Variants in GTF2F2 observed in about 807,000 individuals in gnomAD.
The protein encoded by GTF2F2 is ATP-dependent helicase GTF2F2.
A neutral mutation model predicts 42.2 loss-of-function variants in GTF2F2; 23 were observed. That is an observed-to-expected ratio of 0.55 (90% CI 0.39 to 0.77). The LOEUF (loss-of-function observed/expected upper bound fraction) is 0.77, where lower values mean the gene tolerates loss of function less well. Among genes scored for constraint, GTF2F2 ranks in the 30% least tolerant of loss-of-function variants. The pLI is 0.00. For missense variants in GTF2F2, 261 were observed against 287.2 expected (o/e 0.91, Z 0.66); for synonymous variants, 105 against 100.8 (o/e 1.04, Z -0.25).
At chr13:45,157,612 AACAG>A (rs1870826234) in intron 4 of GTF2F2, among the ~76,000 whole-genome samples, 1 of 152,164 alleles carries the variant, frequency 6.6e-6, no homozygotes, top group Non-Finnish European at 1.5e-5. Context: ...TAGTTGTGTT[AACAG>A]ACAGTCCACT....
intron 7 of GTF2F2, among the ~76,000 whole-genome samples, chr13:45,275,633 C>T (rs1307096928): frequency 6.6e-6 from 1 of 152,074 alleles, no homozygotes; most frequent in Non-Finnish European, 1.5e-5. Context: ...GACATGAACT[C>T]ATCCTTTTTT....
chr13:45,185,910 T>TA (rs1872398042), intron 4 of GTF2F2, among the ~76,000 whole-genome samples: 1 of 152,186 alleles, frequency 6.6e-6, no homozygotes, highest in African/African-American at 2.4e-5. Flanking sequence ...TAGAAAAAAA[T>TA]ATGTAAAAAT....
At chr13:45,208,448 T>C (rs1290977764) in intron 5 of GTF2F2, among the ~76,000 whole-genome samples, 2 of 152,234 alleles carry the variant, frequency 1.3e-5, no homozygotes, top group East Asian at 1.9e-4. Context: ...ATTATACTTT[T>C]TTTGTTCATT....
chr13:45,276,033 G>A (rs1566159479), intron 7 of GTF2F2, among the ~76,000 whole-genome samples: 1 of 152,104 alleles, frequency 6.6e-6, no homozygotes, highest in East Asian at 1.9e-4. Flanking sequence ...ATAATATAAT[G>A]TAAATGCTAT....
chr13:45,180,757 A>G (rs1000820383), intron 4 of GTF2F2, among the ~76,000 whole-genome samples: 1 of 152,170 alleles, frequency 6.6e-6, no homozygotes, highest in African/African-American at 2.4e-5. Flanking sequence ...TGTTTTCTTT[A>G]GAAGGGTGTA....
intron 2 of GTF2F2, among the ~76,000 whole-genome samples, chr13:45,147,311 T>C (rs963857513): frequency 6.6e-6 from 1 of 152,236 alleles, no homozygotes; most frequent in Non-Finnish European, 1.5e-5. Flanking sequence ...GGTGTTTGCC[T>C]TAGCCTCAGT....
chr13:45,143,030 G>T (rs992973198), intron 2 of GTF2F2, among the ~76,000 whole-genome samples: 2 of 152,166 alleles, frequency 1.3e-5, no homozygotes, highest in African/African-American at 4.8e-5. Flanking sequence ...TCTTAGTGCT[G>T]CACTTAAAGA....
chr13:45,271,153 G>T (rs1433795582), intron 7 of GTF2F2, among the ~76,000 whole-genome samples: 1 of 151,998 alleles, frequency 6.6e-6, no homozygotes, highest in Non-Finnish European at 1.5e-5. Flanking sequence ...TTAGCCAGGC[G>T]TGGTGGCCAG....
At chr13:45,271,227 G>A (rs1876777489) in intron 7 of GTF2F2, among the ~76,000 whole-genome samples, 1 of 151,686 alleles carries the variant, frequency 6.6e-6, no homozygotes. Flanking sequence ...GGAGGCGGAG[G>A]TTGCAGTGAG....
At chr13:45,133,875 G>A (rs1869485539) in intron 1 of GTF2F2, among the ~76,000 whole-genome samples, 1 of 152,156 alleles carries the variant, frequency 6.6e-6, no homozygotes, top group Admixed American at 6.5e-5. Flanking sequence ...TGGATGTTAA[G>A]TCCGCTGGGT....
At chr13:45,131,765 G>GC (rs1209089964) in intron 1 of GTF2F2, among the ~76,000 whole-genome samples, 1 of 151,938 alleles carries the variant, frequency 6.6e-6, no homozygotes, top group African/African-American at 2.4e-5. Flanking sequence ...ACTTAGCTGG[G>GC]CATGGTGGTG....
In GTF2F2 at chr13:45,120,560, A is replaced by C. The variant is rs1032303380; in HGVS notation, c.-96A>C. ...AAGGAACGCCGGCTCTTCGCCTCTC[A>C]GCGCGGCTTGTCCTTTGTTCCGGAC... On this transcript the variant is annotated 5_prime_UTR_variant, in exon 1 of 8. Coordinates refer to ENST00000340473, the MANE Select transcript of GTF2F2 (RefSeq NM_004128.3). 2.9e-5 allele frequency: 25 copies of C among 849,540 alleles called. No individual in the cohort carries two copies. Among genetic ancestry groups the C allele is most frequent in the Non-Finnish European group, 4.2e-5 (22 of 521,094 alleles). The allele number at this position is 849,540 out of a possible 1,614,324, so 52.6% of individuals were successfully genotyped here. A position where few individuals can be genotyped will look rare whatever the true frequency, so the allele number is the denominator to read the frequency against.
At chr13:45,202,278 C>T (rs1873227181) in intron 4 of GTF2F2, among the ~76,000 whole-genome samples, 1 of 151,862 alleles carries the variant, frequency 6.6e-6, no homozygotes, top group South Asian at 2.1e-4. Context: ...TCCCAGCTAC[C>T]CAGGAGGCAG....
intron 7 of GTF2F2, among the ~76,000 whole-genome samples, chr13:45,280,986 C>T (rs1357984898): frequency 6.6e-6 from 1 of 152,264 alleles, no homozygotes; most frequent in Non-Finnish European, 1.5e-5. Flanking sequence ...GGCACCTAAA[C>T]AGAGAATCAT....
intron 6 of GTF2F2, among the ~76,000 whole-genome samples, chr13:45,258,668 T>G (rs978942124): frequency 6.6e-6 from 1 of 152,254 alleles, no homozygotes; most frequent in Non-Finnish European, 1.5e-5. Flanking sequence ...TCACTGTATT[T>G]TGAGAGCAAA....
At chr13:45,140,710 G>A (rs558625055) in intron 2 of GTF2F2, among the ~76,000 whole-genome samples, 5 of 152,116 alleles carry the variant, frequency 3.3e-5, no homozygotes, top group African/African-American at 1.2e-4. Context: ...GAAGTTCTTT[G>A]TAATGTACAT....
intron 4 of GTF2F2, among the ~76,000 whole-genome samples, chr13:45,178,463 A>T (rs1871990152): frequency 7.0e-6 from 1 of 143,418 alleles, no homozygotes; most frequent in African/African-American, 2.6e-5. Context: ...GTTGTTTTAT[A>T]GTGTGTATCT....
At chr13:45,166,646 T>C (rs1012392693) in intron 4 of GTF2F2, among the ~76,000 whole-genome samples, 1 of 152,190 alleles carries the variant, frequency 6.6e-6, no homozygotes, top group African/African-American at 2.4e-5. Flanking sequence ...GACCAGACTT[T>C]AGGGAATAGG....
intron 3 of GTF2F2, 43 bp from the exon 4 acceptor site, chr13:45,151,644 A>T (rs774053474): frequency 7.7e-7 from 1 of 1,304,146 alleles, no homozygotes; most frequent in Non-Finnish European, 1.1e-6. Flanking sequence ...ATATAGTTTG[A>T]ATACAGAAGT....
Sources: allele counts gnomAD v4.1 joint callset (sites outside exome capture counted in the v4.1 genomes callset), GRCh38; gene constraint gnomAD v4.1.1; transcripts MANE v1.5; gene names NCBI Gene and HGNC (gene_info 2026-07-23, HGNC 2026-07-21).